Variants in HS3ST2 observed in about 807,000 individuals in gnomAD.
HS3ST2 encodes the protein heparan sulfate-glucosamine 3-sulfotransferase 2.
HS3ST2 carries 17 observed loss-of-function variants against 26.3 expected under a neutral mutation model. That is an observed-to-expected ratio of 0.65 (90% CI 0.44 to 0.97). HS3ST2 has a LOEUF of 0.97. HS3ST2 is among the 50% of genes least tolerant of loss of function. HS3ST2 has a pLI of 0.00. For missense variants in HS3ST2, 402 were observed against 501.2 expected, an observed-to-expected ratio of 0.80 and a Z score of 1.89; for synonymous variants, 237 against 219.2, an observed-to-expected ratio of 1.08 and a Z score of -0.72.
intron 1 of HS3ST2, among the ~76,000 whole-genome samples, chr16:22,891,276 G>A (rs1463010999): frequency 2.6e-5 from 4 of 152,158 alleles, no homozygotes; most frequent in Admixed American, 6.5e-5. Context: ...GCTAGCAAGC[G>A]CCTACTACGC....
chr16:22,868,173 G>A (rs534562980), intron 1 of HS3ST2, among the ~76,000 whole-genome samples: 6 of 151,920 alleles, frequency 3.9e-5, no homozygotes, highest in Admixed American at 2.6e-4. Flanking sequence ...TTTGGGAGGC[G>A]GAGGTGGGCA....
chr16:22,826,499 T>A (rs1901088905), intron 1 of HS3ST2, among the ~76,000 whole-genome samples: 1 of 152,180 alleles, frequency 6.6e-6, no homozygotes, highest in Non-Finnish European at 1.5e-5. Flanking sequence ...TACTTCTCAC[T>A]GACATCTGAA....
intron 1 of HS3ST2, among the ~76,000 whole-genome samples, chr16:22,905,438 C>A (rs1050894537): frequency 8.0e-5 from 11 of 138,118 alleles, no homozygotes; most frequent in Non-Finnish European, 1.7e-4. Flanking sequence ...TTTTTTTTTT[C>A]TCTTTTTTTG....
chr16:22,860,978 T>A (rs1254877538), intron 1 of HS3ST2, among the ~76,000 whole-genome samples: 1 of 151,850 alleles, frequency 6.6e-6, no homozygotes, highest in African/African-American at 2.4e-5. Flanking sequence ...GCTCAAGCAA[T>A]CTTCCTGCCT....
chr16:22,852,987 T>C (rs1901538635), intron 1 of HS3ST2, among the ~76,000 whole-genome samples: 1 of 152,218 alleles, frequency 6.6e-6, no homozygotes, highest in African/African-American at 2.4e-5. Flanking sequence ...CTACTGAACA[T>C]GCCATCCCAT....
intron 1 of HS3ST2, among the ~76,000 whole-genome samples, chr16:22,831,952 C>A (rs187752388): frequency 8.9e-4 from 135 of 152,056 alleles, no homozygotes; most frequent in Non-Finnish European, 1.3e-3. Context: ...GATGATTTTA[C>A]TGGAAGATAA....
At chr16:22,910,944 G>C (rs1023505091) in intron 1 of HS3ST2, among the ~76,000 whole-genome samples, 3 of 152,162 alleles carry the variant, frequency 2.0e-5, no homozygotes, top group African/African-American at 7.2e-5. Flanking sequence ...GAGGTGTTAG[G>C]TTGAAAGCTT....
In HS3ST2 at chr16:22,895,447, CACAGAAATTCT is replaced by C. The variant is rs968085890; in HGVS notation, c.486-19490_486-19480del. Among the ~76,000 whole-genome samples the C allele has an allele frequency of 1.1e-4, 17 of 152,288 alleles. 1 individual carries two copies. The highest frequency in any genetic ancestry group is 1.1e-3 in the Admixed American group (17 of 15,300). ...TAGGATTCTACTTTCCGTGGAATTT[CACAGAAATTCT>C]ACAGAATTTCTACAGGAAGTAGAAT... On this transcript the variant is annotated intron_variant, in intron 1 of 1. Coordinates refer to ENST00000261374, the MANE Select transcript of HS3ST2 (RefSeq NM_006043.2).
chr16:22,847,661 T>C (rs116817543), intron 1 of HS3ST2, among the ~76,000 whole-genome samples: 1 of 151,588 alleles, frequency 6.6e-6, no homozygotes, highest in Non-Finnish European at 1.5e-5. Flanking sequence ...TTAATACATA[T>C]ATTTTTTAAA....
intron 1 of HS3ST2, among the ~76,000 whole-genome samples, chr16:22,839,159 GC>G (rs1176789431): frequency 6.6e-6 from 1 of 152,196 alleles, no homozygotes; most frequent in Non-Finnish European, 1.5e-5. Flanking sequence ...CAGTTTCTGT[GC>G]CTAGAAAAGT....
In HS3ST2 at chr16:22,814,552, C is replaced by A; in HGVS notation, c.-59C>A. The A allele has an allele frequency of 1.4e-6, 2 of 1,448,114 alleles. No homozygotes were observed. Among genetic ancestry groups the A allele is most frequent in the Admixed American group, 2.7e-5 (1 of 36,978 alleles). The allele number at this position is 1,448,114 out of a possible 1,614,324, so 89.7% of individuals were successfully genotyped here. ...CCTCTAGGCGACCGCAGGGCCACAG[C>A]AGCTCAGCCGCCGGTGCCCCCTCGG... On this transcript the variant is annotated 5_prime_UTR_variant, in exon 1 of 2. Coordinates refer to ENST00000261374, the MANE Select transcript of HS3ST2 (RefSeq NM_006043.2).
intron 1 of HS3ST2, among the ~76,000 whole-genome samples, chr16:22,895,820 T>A (rs1459707272): frequency 2.6e-5 from 4 of 152,108 alleles, no homozygotes; most frequent in African/African-American, 9.6e-5. Flanking sequence ...TTTATAATAG[T>A]TCATTTTATA....
intron 1 of HS3ST2, among the ~76,000 whole-genome samples, chr16:22,883,987 C>T (rs1158059370): frequency 2.0e-5 from 3 of 152,144 alleles, no homozygotes; most frequent in Middle Eastern, 6.8e-3. Context: ...CTCTAGAAAT[C>T]AAAACAACTC....
chr16:22,894,735 T>TAAA (rs775796299), intron 1 of HS3ST2, among the ~76,000 whole-genome samples: 1 of 133,978 alleles, frequency 7.5e-6, no homozygotes. Context: ...CTCCGTCTCT[T>TAAA]AAAAAAAAAA....
intron 1 of HS3ST2, among the ~76,000 whole-genome samples, chr16:22,868,424 A>AC (rs973226723): frequency 1.3e-5 from 2 of 150,932 alleles, no homozygotes; most frequent in African/African-American, 4.9e-5. Flanking sequence ...AAAAAAAAAA[A>AC]AAAAAAGTCT....
chr16:22,864,364 T>C (rs780422999), intron 1 of HS3ST2, among the ~76,000 whole-genome samples: 1 of 152,244 alleles, frequency 6.6e-6, no homozygotes, highest in Non-Finnish European at 1.5e-5. Context: ...ACAGGAAATA[T>C]GTCAGGACCT....
At chr16:22,867,675 G>C (rs1189208901) in intron 1 of HS3ST2, among the ~76,000 whole-genome samples, 4 of 152,218 alleles carry the variant, frequency 2.6e-5, no homozygotes, top group African/African-American at 7.2e-5. Context: ...ATTTTTTGCA[G>C]TTGAGAAACA....
At chr16:22,913,221 G>A (rs950669398) in intron 1 of HS3ST2, among the ~76,000 whole-genome samples, 4 of 150,552 alleles carry the variant, frequency 2.7e-5, no homozygotes, top group Admixed American at 1.3e-4. Context: ...TAGTTCTAAC[G>A]CGCAGCCAGG....
intron 1 of HS3ST2, among the ~76,000 whole-genome samples, chr16:22,909,273 A>G (rs549277994): frequency 6.6e-6 from 1 of 152,332 alleles, no homozygotes; most frequent in East Asian, 1.9e-4. Flanking sequence ...TGAGCAATTT[A>G]AAATAACAGG....
Sources: gnomAD v4.1 joint callset for allele counts (sites outside exome capture counted in the v4.1 genomes callset) on GRCh38, gnomAD v4.1.1 for gene constraint, MANE v1.5 for transcripts, NCBI Gene and HGNC (gene_info 2026-07-23, HGNC 2026-07-21) for gene names.